Variants in STXBP6 observed in about 807,000 individuals in gnomAD.
STXBP6 encodes syntaxin-binding protein 6.
STXBP6 carries 21 observed loss-of-function variants against 26.9 expected under a neutral mutation model. That is an observed-to-expected ratio of 0.78 (90% CI 0.55 to 1.12). The LOEUF (loss-of-function observed/expected upper bound fraction) is 1.12. STXBP6 is among the 50% of genes most tolerant of loss of function. STXBP6 has a pLI of 0.00. For missense variants in STXBP6, 232 were observed against 257.9 expected, an observed-to-expected ratio of 0.90 and a Z score of 0.69; for synonymous variants, 97 against 92.6, an observed-to-expected ratio of 1.05 and a Z score of -0.27.
chr14:24,897,762 G>A (rs1458366587), intron 2 of STXBP6, among the ~76,000 whole-genome samples: 4 of 152,180 alleles, frequency 2.6e-5, no homozygotes, highest in African/African-American at 9.7e-5. Flanking sequence ...CTTTTAAGAG[G>A]TGACATATAA....
intron 1 of STXBP6, 40 bp from the exon 2 acceptor site, chr14:24,974,890 A>G: frequency 7.2e-7 from 1 of 1,381,930 alleles, no homozygotes; most frequent in African/African-American, 1.4e-5. Context: ...GGAATTGACA[A>G]CATTGTAAGG....
chr14:25,002,359 C>CTTTTTTTTTTTTTTTTTTTTTTTTTTTT lies in STXBP6; in HGVS notation c.-32-27510_-32-27509insAAAAAAAAAAAAAAAAAAAAAAAAAAAA, dbSNP rs747010332. Among the ~76,000 whole-genome samples the CTTTTTTTTTTTTTTTTTTTTTTTTTTTT allele has an allele frequency of 1.6e-4, 19 of 121,364 alleles. 1 individual carries two copies. The highest frequency in any genetic ancestry group is 4.5e-3 in the Middle Eastern group (1 of 220). The allele number at this position is 121,364 out of a possible 152,430, so 79.6% of individuals were successfully genotyped here. On this transcript the variant is annotated intron_variant, in intron 1 of 5. Transcript: ENST00000323944. ...ATCCCATACAGTTAAATTCTTATGA[C>CTTTTTTTTTTTTTTTTTTTTTTTTTTTT]TTTTTTTTTTTTTTTTTTGAGACAC... is the stretch of plus-strand genomic sequence containing the variant.
intron 2 of STXBP6, 126 bp downstream of exon 2, chr14:24,974,539 G>A (rs763514983): frequency 3.4e-5 from 26 of 761,588 alleles, no homozygotes; most frequent in East Asian, 8.9e-5. Flanking sequence ...CCAGAAAAAC[G>A]GGGAAAAGGA....
At chr14:24,977,291 G>A (rs1376333455) in intron 1 of STXBP6, among the ~76,000 whole-genome samples, 1 of 152,084 alleles carries the variant, frequency 6.6e-6, no homozygotes, top group Non-Finnish European at 1.5e-5. Flanking sequence ...TATAAAATCT[G>A]TCAGAAAAAG....
chr14:25,015,059 TTAGA>T (rs1394414974), intron 1 of STXBP6, among the ~76,000 whole-genome samples: 1 of 152,210 alleles, frequency 6.6e-6, no homozygotes, highest in African/African-American at 2.4e-5. Flanking sequence ...GCCTTTTGAC[TTAGA>T]TAAACGAACA....
chr14:25,020,543 C>T (rs556338722), intron 1 of STXBP6, among the ~76,000 whole-genome samples: 7 of 152,156 alleles, frequency 4.6e-5, no homozygotes, highest in East Asian at 1.9e-4. Context: ...CCAACCCTAT[C>T]GAAACTCTGG....
intron 1 of STXBP6, among the ~76,000 whole-genome samples, chr14:25,026,435 C>T (rs1033609376): frequency 2.6e-5 from 4 of 152,196 alleles, no homozygotes; most frequent in Admixed American, 2.6e-4. Flanking sequence ...ATGGTACGTA[C>T]ACCTTATGCT....
chr14:25,010,110 A>T (rs888236860), intron 1 of STXBP6, among the ~76,000 whole-genome samples: 1 of 152,184 alleles, frequency 6.6e-6, no homozygotes, highest in African/African-American at 2.4e-5. Context: ...CCAGCTCAAC[A>T]TGCATTCCTG....
chr14:25,018,168 A>G (rs1343386902), intron 1 of STXBP6, among the ~76,000 whole-genome samples: 1 of 152,136 alleles, frequency 6.6e-6, no homozygotes, highest in East Asian at 1.9e-4. Flanking sequence ...TCCAGTGTGC[A>G]TAAATAGGAC....
chr14:24,898,042 C>T (rs12895300), intron 2 of STXBP6, among the ~76,000 whole-genome samples: 51,076 of 151,920 alleles, frequency 0.34, 8,655 homozygotes, highest in African/African-American at 0.41. Flanking sequence ...TGTTTCTGTA[C>T]ACGAGGTTTA....
intron 1 of STXBP6, among the ~76,000 whole-genome samples, chr14:24,992,542 T>C (rs565886703): frequency 1.3e-5 from 2 of 151,558 alleles, no homozygotes; most frequent in East Asian, 1.9e-4. Context: ...CAGACCAGAG[T>C]TGGTATAGCT....
At chr14:24,936,282 A>G (rs1595144982) in intron 2 of STXBP6, among the ~76,000 whole-genome samples, 1 of 152,156 alleles carries the variant, frequency 6.6e-6, no homozygotes, top group East Asian at 1.9e-4. Context: ...CACAGGCCAG[A>G]AACAAAACAA....
intron 1 of STXBP6, among the ~76,000 whole-genome samples, chr14:25,040,723 G>A (rs2075629425): frequency 6.6e-6 from 1 of 152,208 alleles, no homozygotes; most frequent in African/African-American, 2.4e-5. Context: ...TCTACTGTAT[G>A]ACAGACACGC....
At chr14:25,009,656 G>A (rs2074986683) in intron 1 of STXBP6, among the ~76,000 whole-genome samples, 1 of 152,158 alleles carries the variant, frequency 6.6e-6, no homozygotes, top group African/African-American at 2.4e-5. Context: ...TGCACTAAGA[G>A]ATCCAGGTTT....
At chr14:24,856,958 T>C in intron 3 of STXBP6, 69 bp downstream of exon 3, 1 of 1,564,818 alleles carries the variant, frequency 6.4e-7, no homozygotes, top group Non-Finnish European at 8.7e-7. Context: ...CCACTACCAC[T>C]ACCAAGGTCA....
chr14:24,880,799 A>G (rs2070329819), intron 2 of STXBP6, among the ~76,000 whole-genome samples: 1 of 152,182 alleles, frequency 6.6e-6, no homozygotes, highest in Non-Finnish European at 1.5e-5. Flanking sequence ...CCCCGGTACT[A>G]AAAAGGAAAG....
intron 5 of STXBP6, among the ~76,000 whole-genome samples, chr14:24,813,561 C>T (rs940796088): frequency 6.6e-6 from 1 of 152,184 alleles, no homozygotes; most frequent in Non-Finnish European, 1.5e-5. Flanking sequence ...AGTCTGATAT[C>T]AGGGACTAAT....
intron 2 of STXBP6, among the ~76,000 whole-genome samples, chr14:24,961,836 C>T (rs2073551850): frequency 6.6e-6 from 1 of 152,118 alleles, no homozygotes; most frequent in African/African-American, 2.4e-5. Flanking sequence ...TTTTCTCACC[C>T]TGGTTTCTCT....
intron 1 of STXBP6, among the ~76,000 whole-genome samples, chr14:25,048,041 A>T (rs1271584344): frequency 1.3e-5 from 2 of 152,192 alleles, no homozygotes; most frequent in Non-Finnish European, 2.9e-5. Flanking sequence ...CAATTCTTAA[A>T]ATCAAAAGAG....
Sources: allele counts gnomAD v4.1 joint callset (sites outside exome capture counted in the v4.1 genomes callset), GRCh38; gene constraint gnomAD v4.1.1; transcripts MANE v1.5; gene names NCBI Gene and HGNC (gene_info 2026-07-23, HGNC 2026-07-21).